The following ZMIZ1 variants were observed in gnomAD, a reference collection of about 807,000 sequenced individuals.
ZMIZ1 encodes the protein zinc finger MIZ-type containing 1.
A neutral mutation model predicts 113.9 loss-of-function variants in ZMIZ1; 17 were observed. That is an observed-to-expected ratio of 0.15 (90% CI 0.10 to 0.22). The LOEUF (loss-of-function observed/expected upper bound fraction) is 0.22, where lower values mean the gene tolerates loss of function less well. Among genes scored for constraint, ZMIZ1 ranks in the 10% least tolerant of loss-of-function variants. The probability of loss-of-function intolerance (pLI) is 1.00; values close to 1 mark genes in which losing one functional copy is unlikely to be tolerated. For synonymous variants in ZMIZ1, 607 were observed against 603.1 expected (o/e 1.01, Z -0.09); for missense variants, 1,059 against 1,477.8 (o/e 0.72, Z 4.65).
At chr10:79,175,123 C>T (rs937584074) in intron 4 of ZMIZ1, among the ~76,000 whole-genome samples, 1 of 152,176 alleles carries the variant, frequency 6.6e-6, no homozygotes, top group Non-Finnish European at 1.5e-5. Flanking sequence ...GACTCAGTGG[C>T]CTGTCTTAGA....
At chr10:79,093,442 T>C (rs1843060565) in intron 1 of ZMIZ1, among the ~76,000 whole-genome samples, 1 of 152,048 alleles carries the variant, frequency 6.6e-6, no homozygotes, top group Non-Finnish European at 1.5e-5. Flanking sequence ...TTCTCCGGCC[T>C]CAGCCTCCCG....
At chr10:79,138,999 G>A (rs965030999) in intron 2 of ZMIZ1, among the ~76,000 whole-genome samples, 3 of 152,156 alleles carry the variant, frequency 2.0e-5, no homozygotes, top group African/African-American at 7.2e-5. Flanking sequence ...AGTTTGGGGA[G>A]CACAATCTAA....
intron 1 of ZMIZ1, among the ~76,000 whole-genome samples, chr10:79,098,063 G>T (rs1255121628): frequency 6.6e-6 from 1 of 152,214 alleles, no homozygotes; most frequent in Admixed American, 6.5e-5. Flanking sequence ...TGGAGGACTT[G>T]ATGGAAGTCT....
At chr10:79,281,319 TTGAC>T (rs1852729942) in intron 8 of ZMIZ1, among the ~76,000 whole-genome samples, 1 of 152,170 alleles carries the variant, frequency 6.6e-6, no homozygotes, top group African/African-American at 2.4e-5. Context: ...CTAGGGTTCA[TTGAC>T]AGGCAGACTG....
intron 11 of ZMIZ1, chr10:79,292,712 C>T (rs1853578420): frequency 2.1e-6 from 1 of 473,994 alleles, no homozygotes. Flanking sequence ...AGTCTTGTGA[C>T]CGGTCTGTCT....
chr10:79,150,039 C>G (rs1229576663), intron 3 of ZMIZ1, among the ~76,000 whole-genome samples: 2 of 152,234 alleles, frequency 1.3e-5, no homozygotes, highest in East Asian at 3.9e-4. Flanking sequence ...GAGGCTTGCT[C>G]GGCCCTCCCT....
intron 2 of ZMIZ1, among the ~76,000 whole-genome samples, chr10:79,128,151 C>G (rs1438013459): frequency 1.3e-5 from 2 of 152,194 alleles, no homozygotes; most frequent in Non-Finnish European, 2.9e-5. Flanking sequence ...TCTCCCTCCC[C>G]CTTTTCTCCC....
chr10:79,080,124 C>T (rs560232980), intron 1 of ZMIZ1, among the ~76,000 whole-genome samples: 1 of 152,104 alleles, frequency 6.6e-6, no homozygotes, highest in African/African-American at 2.4e-5. Context: ...TCCCTGCTCG[C>T]AGTCCTCATG....
chr10:79,216,352 GC>G, intron 7 of ZMIZ1, 78 bp downstream of exon 7: 2 of 1,304,996 alleles, frequency 1.5e-6, no homozygotes, highest in East Asian at 2.8e-5. Context: ...CCTGTTTGCT[GC>G]CCCTGCCTTC....
At chr10:79,252,766 T>G (rs1320777278) in intron 7 of ZMIZ1, among the ~76,000 whole-genome samples, 1 of 152,192 alleles carries the variant, frequency 6.6e-6, no homozygotes, top group Non-Finnish European at 1.5e-5. Flanking sequence ...CACGCCCCCC[T>G]GCCCGTGCCC....
At chr10:79,133,909 A>C (rs1240974434) in intron 2 of ZMIZ1, among the ~76,000 whole-genome samples, 1 of 152,234 alleles carries the variant, frequency 6.6e-6, no homozygotes, top group Non-Finnish European at 1.5e-5. Flanking sequence ...CCTAATTACC[A>C]TTCATTTTGC....
At chr10:79,237,960 C>G (rs1348712705) in intron 7 of ZMIZ1, among the ~76,000 whole-genome samples, 1 of 152,236 alleles carries the variant, frequency 6.6e-6, no homozygotes, top group Non-Finnish European at 1.5e-5. Context: ...AGGCTCCTCC[C>G]TTCCCTCTGC....
At chr10:79,100,794 C>T (rs1279378335) in intron 1 of ZMIZ1, among the ~76,000 whole-genome samples, 2 of 152,160 alleles carry the variant, frequency 1.3e-5, no homozygotes, top group African/African-American at 2.4e-5. Flanking sequence ...GGATGGTGGT[C>T]ATCGGGGGCA....
chr10:79,251,638 TC>T (rs1189131559), intron 7 of ZMIZ1, among the ~76,000 whole-genome samples: 1 of 152,088 alleles, frequency 6.6e-6, no homozygotes, highest in African/African-American at 2.4e-5. Context: ...GAGCAAATAG[TC>T]CCCCTGCCTC....
intron 4 of ZMIZ1, among the ~76,000 whole-genome samples, chr10:79,185,116 G>A (rs1016942604): frequency 4.0e-5 from 6 of 151,840 alleles, no homozygotes; most frequent in African/African-American, 1.2e-4. Context: ...GATAATTGTC[G>A]GGAGCATCCC....
At chr10:79,232,263 G>C (rs2132785356) in intron 7 of ZMIZ1, among the ~76,000 whole-genome samples, 1 of 152,278 alleles carries the variant, frequency 6.6e-6, no homozygotes, top group South Asian at 2.1e-4. Flanking sequence ...ACATCCCAAT[G>C]ACTGAGACAG....
chr10:79,218,567 G>T (rs1848830478), intron 7 of ZMIZ1, among the ~76,000 whole-genome samples: 1 of 145,906 alleles, frequency 6.9e-6, no homozygotes, highest in African/African-American at 2.6e-5. Flanking sequence ...GGAAAACATT[G>T]ATCAAATAAT....
At chr10:79,085,030 T>A (rs1156626187) in intron 1 of ZMIZ1, among the ~76,000 whole-genome samples, 1 of 152,152 alleles carries the variant, frequency 6.6e-6, no homozygotes, top group East Asian at 1.9e-4. Flanking sequence ...TGCCGGACGC[T>A]GCCCGCTCCG....
At chr10:79,109,293 CA>C (rs1218903107) in intron 1 of ZMIZ1, among the ~76,000 whole-genome samples, 1 of 152,224 alleles carries the variant, frequency 6.6e-6, no homozygotes, top group Non-Finnish European at 1.5e-5. Flanking sequence ...CATGTGTGGG[CA>C]TGCAACTGCC....
Sources: allele counts gnomAD v4.1 joint callset (sites outside exome capture counted in the v4.1 genomes callset), GRCh38; gene constraint gnomAD v4.1.1; transcripts MANE v1.5; gene names NCBI Gene and HGNC (gene_info 2026-07-23, HGNC 2026-07-21).